The following MCF2L variants were observed in gnomAD, a reference collection of about 807,000 sequenced individuals.
The protein encoded by MCF2L is MCF.2 cell line derived transforming sequence like, also known as guanine nucleotide exchange factor DBS.
MCF2L carries 97 observed loss-of-function variants against 153.4 expected under a neutral mutation model. The ratio of observed to expected loss-of-function variants is 0.63; its 90% CI spans 0.54 to 0.75. MCF2L has a LOEUF of 0.75. Ranked by LOEUF, MCF2L falls within the 30% of genes least tolerant of loss-of-function variation. MCF2L has a pLI of 0.00. For synonymous variants in MCF2L, 659 were observed against 632.2 expected, an observed-to-expected ratio of 1.04 and a Z score of -0.64; for missense variants, 1,347 against 1,495.2, an observed-to-expected ratio of 0.90 and a Z score of 1.64.
chr13:112,913,944 C>T (rs2081262448), intron 2 of MCF2L, among the ~76,000 whole-genome samples: 1 of 152,160 alleles, frequency 6.6e-6, no homozygotes, highest in Non-Finnish European at 1.5e-5. Flanking sequence ...GCCAAGAATC[C>T]ATCAGCCCCC....
intron 12 of MCF2L, among the ~76,000 whole-genome samples, chr13:113,076,623 C>G (rs2033507001): frequency 6.6e-6 from 1 of 152,244 alleles, no homozygotes; most frequent in African/African-American, 2.4e-5. Flanking sequence ...GTTGGGAGGT[C>G]AAGCTGAATT....
At chr13:112,977,382 G>T (rs910779323) in intron 1 of MCF2L, among the ~76,000 whole-genome samples, 2 of 152,044 alleles carry the variant, frequency 1.3e-5, no homozygotes, top group African/African-American at 4.8e-5. Context: ...GGGCTACCAC[G>T]GAGCTTAGGG....
chr13:113,092,881 CT>C (rs1421680619), intron 26 of MCF2L, among the ~76,000 whole-genome samples: 4 of 152,358 alleles, frequency 2.6e-5, no homozygotes, highest in Admixed American at 2.0e-4. Context: ...CTCAAGAATC[CT>C]TTTGTGTCTC....
Position 113,064,435 on chromosome 13 carries a change from G to A in MCF2L, c.606+15G>A, listed in dbSNP as rs532652036. ...GCCAGCGCACGGTGAGCCGCGTCGGGGCCAGCGGGGCTGGCTGATACCAGC... is the reference window on the plus strand; with the variant it reads ...GCCAGCGCACGGTGAGCCGCGTCGGAGCCAGCGGGGCTGGCTGATACCAGC... On this transcript the variant is annotated intron_variant, in intron 6 of 29. Transcript: ENST00000535094. This position sits in a 1 kb window ranked among gnomAD's most constrained non-coding sequence, Gnocchi z 6.0. 74 of 1,552,032 alleles carry A rather than the reference G, an allele frequency of 4.8e-5. 1 individual carries two copies. In the South Asian group the frequency reaches 7.5e-4, roughly 16 times the overall value.
At chr13:113,095,593 C>T (rs1268027691) in intron 27 of MCF2L, 51 of 995,890 alleles carry the variant, frequency 5.1e-5, no homozygotes, top group East Asian at 1.1e-4. Context: ...GCCCAGTCAC[C>T]GTCCTCTTGC....
intron 1 of MCF2L, among the ~76,000 whole-genome samples, chr13:112,976,830 G>C (rs1176344332): frequency 6.6e-6 from 1 of 152,202 alleles, no homozygotes; most frequent in South Asian, 2.1e-4. Context: ...CGGGAAACCT[G>C]GAGACAAGGA....
chr13:113,044,314 A>C (rs1334010625), intron 3 of MCF2L: 1 of 322,580 alleles, frequency 3.1e-6, no homozygotes, highest in African/African-American at 2.1e-5. Context: ...CCTCGTCTTC[A>C]TGTCTTGGGA....
In MCF2L at chr13:113,046,473, G is replaced by A. The variant is rs1017838161; in HGVS notation, c.369+1112G>A. 5.7e-5 allele frequency: 29 copies of A among 509,510 alleles called. 1 individual carries two copies. The highest frequency in any genetic ancestry group is 3.5e-4 in the South Asian group (24 of 68,704). The allele number at this position is 509,510 out of a possible 1,614,324, so 31.6% of individuals were successfully genotyped here. A position where few individuals can be genotyped will look rare whatever the true frequency, so the allele number is the denominator to read the frequency against. On this transcript the variant is annotated intron_variant, in intron 4 of 29. Transcript: ENST00000535094. This position sits in a 1 kb window ranked among gnomAD's most constrained non-coding sequence, Gnocchi z 4.4. ...TCTCCTGGCCTTTCCTGGGTCCCGC[G>A]TTCAGACTACCTTTGGGTTCCCCAG... is the stretch of plus-strand genomic sequence containing the variant.
At position 113,046,510 on chromosome 13, in the gene MCF2L, C is replaced by T. The variant is rs2086823678; in HGVS notation, c.369+1149C>T. On this transcript the variant is annotated intron_variant, in intron 4 of 29. Coordinates refer to ENST00000535094, the MANE Select transcript of MCF2L (RefSeq NM_001112732.3). This position sits in a 1 kb window ranked among gnomAD's most constrained non-coding sequence, Gnocchi z 4.4. ...TTTGGGTTCCCCAGCCTCTCGGTGG[C>T]TGCTGGCTGGTGCGCCAAGGTTTGA... 4 of 528,358 alleles carry T rather than the reference C, an allele frequency of 7.6e-6. No individual in the cohort carries two copies. The highest frequency in any genetic ancestry group is 1.6e-5 in the Non-Finnish European group (4 of 257,604). The allele number at this position is 528,358 out of a possible 1,614,324, so 32.7% of individuals were successfully genotyped here.
At chr13:113,072,133 TTATG>T (rs1230357842) in intron 9 of MCF2L, among the ~76,000 whole-genome samples, 1 of 152,234 alleles carries the variant, frequency 6.6e-6, no homozygotes, top group African/African-American at 2.4e-5. Flanking sequence ...ATTTTGGCAT[TTATG>T]TATTCATTGC....
At chr13:113,058,612 GTTGCTGTGTGT>G (rs1184257776) in intron 4 of MCF2L, among the ~76,000 whole-genome samples, 3 of 148,432 alleles carry the variant, frequency 2.0e-5, no homozygotes, top group East Asian at 2.1e-4. Flanking sequence ...TGAGTGTTTA[GTTGCTGTGTGT>G]TTGCTGTGTG....
At chr13:113,094,829 A>G (rs111300716) in intron 27 of MCF2L, 194 bp downstream of exon 27, 8 of 1,062,430 alleles carry the variant, frequency 7.5e-6, no homozygotes, top group African/African-American at 1.6e-5. Flanking sequence ...GTCCACCCAG[A>G]CCTGGGTCTT....
chr13:112,909,480 T>C, intron 2 of MCF2L: 1 of 584,990 alleles, frequency 1.7e-6, no homozygotes. Context: ...AGGAGCGCAC[T>C]TGGGAAGTCC....
intron 27 of MCF2L, 68 bp from the exon 28 acceptor site, chr13:113,096,303 T>C: frequency 7.9e-7 from 1 of 1,259,954 alleles, no homozygotes; most frequent in Non-Finnish European, 1.1e-6. Context: ...GCACTCCGCC[T>C]GGCTGCTGTG....
chr13:113,030,620 G>C (rs2085624033), intron 3 of MCF2L, among the ~76,000 whole-genome samples: 1 of 152,156 alleles, frequency 6.6e-6, no homozygotes, highest in Admixed American at 6.5e-5. Context: ...TGCAGGTGTG[G>C]GCCCTCGGGT....
Position 113,026,606 on chromosome 13 carries a change from G to A in MCF2L, c.278+1848G>A, listed in dbSNP as rs559851855. Among the ~76,000 whole-genome samples the A allele has an allele frequency of 5.3e-5, 8 of 152,304 alleles. No individual in the cohort carries two copies. In the South Asian group the frequency reaches 1.7e-3, roughly 32 times the overall value. ...AGTTCTGCGGTGCGAGGGCTTCTGT[G>A]TTCTTAATGCCGAGGAGCCCATCTG... On this transcript the variant is annotated intron_variant, in intron 3 of 29. Transcript: ENST00000535094.
intron 1 of MCF2L, among the ~76,000 whole-genome samples, chr13:112,986,571 G>T (rs1238171988): frequency 2.0e-5 from 3 of 152,238 alleles, no homozygotes; most frequent in Admixed American, 6.5e-5. Flanking sequence ...AGACCACGGG[G>T]TGTCTCTGAG....
chr13:112,912,594 GGT>G (rs2081244133), intron 2 of MCF2L, among the ~76,000 whole-genome samples: 1 of 152,222 alleles, frequency 6.6e-6, no homozygotes, highest in African/African-American at 2.4e-5. Context: ...TGAGATTACA[GGT>G]GTGAGTCCAC....
rs1212885812 is a variant in MCF2L, at chr13:112,943,426, GGGCGCCGGCGCCCGGGAGA to G, written c.169+41063_169+41081del. Among the ~76,000 whole-genome samples the G allele has an allele frequency of 7.8e-6, 1 of 127,922 alleles. No homozygotes were observed. The highest frequency in any genetic ancestry group is 1.7e-5 in the Non-Finnish European group (1 of 58,772). The allele number at this position is 127,922 out of a possible 152,430, so 83.9% of individuals were successfully genotyped here. A position where few individuals can be genotyped will look rare whatever the true frequency, so the allele number is the denominator to read the frequency against. On this transcript the variant is annotated intron_variant, in intron 2 of 29. Coordinates refer to the MCF2L transcript ENST00000375608. The surrounding 1 kb of genome is among the most constrained non-coding windows in gnomAD (Gnocchi z 4.2). ...GCCGCAGGCGTGAACGCCCAACGGA[GGGCGCCGGCGCCCGGGAGA>G]GGCGCCGCCTTGGTTGCAGGGGCCG...
Sources: allele counts gnomAD v4.1 joint callset (sites outside exome capture counted in the v4.1 genomes callset), GRCh38; gene constraint gnomAD v4.1.1; non-coding constraint Gnocchi (gnomAD v3.1); transcripts MANE v1.5; gene names NCBI Gene and HGNC (gene_info 2026-07-23, HGNC 2026-07-21).